The following DCHS2 variants were observed in gnomAD, a reference collection of about 807,000 sequenced individuals.
The protein encoded by DCHS2 is dachsous cadherin-related 2.
Under a neutral mutation model 182.4 loss-of-function variants are expected in DCHS2, and 142 were observed. The observed-to-expected ratio is 0.78, with a 90% CI of 0.68 to 0.89. The LOEUF is 0.89. Ranked by LOEUF, DCHS2 falls within the 40% of genes least tolerant of loss-of-function variation. The pLI is 0.00. For synonymous variants in DCHS2, 1,740 were observed against 1,663.3 expected (o/e 1.05, Z -1.12); for missense variants, 4,319 against 4,198.6 (o/e 1.03, Z -0.79).
intron 3 of DCHS2, among the ~76,000 whole-genome samples, chr4:154,352,214 C>CAA (rs1729653440): frequency 6.6e-6 from 1 of 152,090 alleles, no homozygotes; most frequent in Non-Finnish European, 1.5e-5. Flanking sequence ...TCTGGTTCCC[C>CAA]GCTAGTGCCA....
At chr4:154,448,128 C>T (rs1189347832) in intron 1 of DCHS2, among the ~76,000 whole-genome samples, 1 of 152,188 alleles carries the variant, frequency 6.6e-6, no homozygotes, top group Non-Finnish European at 1.5e-5. Context: ...TCCGCATTCC[C>T]TCTTCCATGG....
chr4:154,325,689 C>T (rs1736253014), intron 7 of DCHS2, among the ~76,000 whole-genome samples: 1 of 152,158 alleles, frequency 6.6e-6, no homozygotes, highest in Admixed American at 6.5e-5. Flanking sequence ...CTGCTGCAGG[C>T]TCACTACCTC....
intron 3 of DCHS2, among the ~76,000 whole-genome samples, chr4:154,358,800 A>G (rs999648504): frequency 1.3e-5 from 2 of 151,894 alleles, no homozygotes; most frequent in African/African-American, 4.8e-5. Context: ...TAGTAATTGT[A>G]TATTTGAATC....
chr4:154,296,254 C>T (rs1477099549), intron 13 of DCHS2, among the ~76,000 whole-genome samples: 1 of 152,080 alleles, frequency 6.6e-6, no homozygotes, highest in African/African-American at 2.4e-5. Flanking sequence ...CGTGGGCAAC[C>T]AAGTGGTTTA....
chr4:154,435,951 G>A (rs1733761659), intron 1 of DCHS2, among the ~76,000 whole-genome samples: 2 of 152,158 alleles, frequency 1.3e-5, no homozygotes, highest in African/African-American at 4.8e-5. Flanking sequence ...AGTGTTGAAG[G>A]CATACAATAT....
At chr4:154,478,008 T>C (rs1355470925) in intron 1 of DCHS2, among the ~76,000 whole-genome samples, 1 of 152,202 alleles carries the variant, frequency 6.6e-6, no homozygotes, top group African/African-American at 2.4e-5. Context: ...AATTCCATAA[T>C]CATAAATACA....
rs142781136 is a variant in DCHS2 at position 154,236,237 on chromosome 4, G to A, written c.8415C>T (p.Thr2805=). ...GAAAACAGGGTGATACAATAGAATA[G>A]GTCAATTCTCCATACGGACCAGCAT... ...DFDAGPYGEL[T]YSIVSPCFLT... is the part of the protein sequence containing the mutation. Residue 2805 remains threonine, a synonymous_variant, in exon 20 of 20, where the codon ACC becomes ACT. Coordinates refer to ENST00000357232, the MANE Select transcript of DCHS2 (RefSeq NM_001358235.2). The A allele has an allele frequency of 6.8e-6, 11 of 1,613,788 alleles. No homozygotes were observed. Among genetic ancestry groups the A allele is most frequent in the South Asian group, 3.3e-5 (3 of 91,082 alleles).
chr4:154,404,892 A>G (rs1321117548), intron 1 of DCHS2, among the ~76,000 whole-genome samples: 2 of 152,200 alleles, frequency 1.3e-5, no homozygotes, highest in Non-Finnish European at 2.9e-5. Flanking sequence ...ATTCCCTGCT[A>G]CATAATGTGT....
Position 154,235,626 on chromosome 4 carries a change from A to G in DCHS2, c.9026T>C (p.Ile3009Thr), listed in dbSNP as rs1006386392. Residue 3009 changes from isoleucine (I) to threonine (T), a missense_variant, in exon 20 of 20, where the codon ATC becomes ACC. Ile to Thr is a moderately conservative substitution (Grantham distance 89, BLOSUM62 -1). Coordinates refer to ENST00000357232, the MANE Select transcript of DCHS2 (RefSeq NM_001358235.2). ...VVSFLVFLIL[I>T]CILIVMILRH... ...TAAAATCATTACAATTAGAATGCAG[A>G]TGAGTATCAGAAACACTAAAAAGGA... is the stretch of plus-strand genomic sequence containing the variant. 6.8e-6 allele frequency: 11 copies of G among 1,613,824 alleles called. No homozygotes were observed. The highest frequency in any genetic ancestry group is 3.4e-6 in the Non-Finnish European group (4 of 1,179,970).
intron 3 of DCHS2, among the ~76,000 whole-genome samples, chr4:154,338,538 A>C (rs1211778176): frequency 6.6e-6 from 1 of 152,328 alleles, no homozygotes; most frequent in South Asian, 2.1e-4. Flanking sequence ...ATTTATGTAC[A>C]TTCTCCAAAA....
intron 10 of DCHS2, among the ~76,000 whole-genome samples, chr4:154,307,765 T>C (rs539723342): frequency 2.6e-5 from 4 of 152,314 alleles, no homozygotes; most frequent in South Asian, 2.1e-4. Context: ...CTGTTGTATC[T>C]GGCAATCTTT....
intron 3 of DCHS2, among the ~76,000 whole-genome samples, chr4:154,363,194 C>T (rs1195763925): frequency 6.6e-6 from 1 of 151,994 alleles, no homozygotes; most frequent in South Asian, 2.1e-4. Context: ...AAATATGATC[C>T]AGAAAGTCTA....
chr4:154,489,483 C>G lies in DCHS2; in HGVS notation c.1873G>C (p.Val625Leu). The G allele has an allele frequency of 6.4e-7, 1 of 1,551,724 alleles. No individual in the cohort carries two copies. Among genetic ancestry groups the G allele is most frequent in the Non-Finnish European group, 8.7e-7 (1 of 1,147,002 alleles). ...ISTIRTLDRE[V>L]QEAVELKVVA... ...ACTTTCAGCTCCACCGCCTCCTGGA[C>G]CTCTCGGTCTAGAGTCCGGATAGTG... The change falls in exon 1 of 20, where the codon GTC becomes CTC. Residue 625 changes from valine (V) to leucine (L), a missense_variant. Coordinates refer to ENST00000357232, the MANE Select transcript of DCHS2 (RefSeq NM_001358235.2).
chr4:154,456,302 T>C (rs1378273114), intron 1 of DCHS2, among the ~76,000 whole-genome samples: 1 of 152,182 alleles, frequency 6.6e-6, no homozygotes, highest in African/African-American at 2.4e-5. Context: ...GTTAAAATCA[T>C]TCATATAGCA....
At chr4:154,442,553 A>T (rs1160719771) in intron 1 of DCHS2, among the ~76,000 whole-genome samples, 1 of 83,024 alleles carries the variant, frequency 1.2e-5, no homozygotes, top group Non-Finnish European at 2.2e-5. Context: ...ACACACACAC[A>T]CACACACACC....
At chr4:154,315,601 G>A in intron 10 of DCHS2, 147 bp downstream of exon 10, 1 of 1,206,998 alleles carries the variant, frequency 8.3e-7, no homozygotes, top group Non-Finnish European at 1.1e-6. Flanking sequence ...GTGTTTCTGT[G>A]TGGATGCAAA....
At chr4:154,323,219 T>G in intron 7 of DCHS2, 1 of 1,549,368 alleles carries the variant, frequency 6.5e-7, no homozygotes, top group Non-Finnish European at 8.7e-7. Context: ...GGGAGGCAGA[T>G]CTAGAGAACT....
In DCHS2 at chr4:154,232,793, A is replaced by T. The variant is rs540765492; in HGVS notation, c.*1743T>A. 5.3e-5 allele frequency: 8 copies of T among 152,090 alleles called. No homozygotes were observed. Among genetic ancestry groups the T allele is most frequent in the Admixed American group, 5.2e-4 (8 of 15,260 alleles). 9.4% of individuals were successfully genotyped at this position (152,090 alleles called of 1,614,324 possible). A position where few individuals can be genotyped will look rare whatever the true frequency, so the allele number is the denominator to read the frequency against. ...CCAGATGCCAGGAAGAAAAGGAGAA[A>T]CATCATATATCAGTCCCATAGTATT... On this transcript the variant is annotated 3_prime_UTR_variant, in exon 20 of 20. Coordinates refer to ENST00000357232, the MANE Select transcript of DCHS2 (RefSeq NM_001358235.2).
At chr4:154,267,786 G>A (rs955679583) in intron 14 of DCHS2, among the ~76,000 whole-genome samples, 9 of 152,040 alleles carry the variant, frequency 5.9e-5, no homozygotes, top group African/African-American at 1.9e-4. Context: ...TCAGAAATGC[G>A]GCAGCACCTT....
Sources: gnomAD v4.1 joint callset for allele counts (sites outside exome capture counted in the v4.1 genomes callset) on GRCh38, gnomAD v4.1.1 for gene constraint, MANE v1.5 for transcripts, NCBI Gene and HGNC (gene_info 2026-07-23, HGNC 2026-07-21) for gene names.